CDKAL1: variants seen among roughly 807,000 people sequenced by gnomAD.
CDKAL1 encodes threonylcarbamoyladenosine tRNA methylthiotransferase.
CDKAL1 carries 32 observed loss-of-function variants against 68.2 expected under a neutral mutation model. That is an observed-to-expected ratio of 0.47 (90% CI 0.35 to 0.63). CDKAL1 has a LOEUF of 0.63. Ranked by LOEUF, CDKAL1 falls within the 30% of genes least tolerant of loss-of-function variation. CDKAL1 has a pLI of 0.00. For missense variants in CDKAL1, 606 were observed against 696.7 expected, an observed-to-expected ratio of 0.87 and a Z score of 1.47; for synonymous variants, 234 against 244.3, an observed-to-expected ratio of 0.96 and a Z score of 0.39.
intron 4 of CDKAL1, among the ~76,000 whole-genome samples, chr6:20,594,460 GT>G (rs1176811743): frequency 2.0e-5 from 3 of 151,934 alleles, no homozygotes; most frequent in African/African-American, 7.3e-5. Context: ...TTTGATCTTT[GT>G]TGGTTTAAAG....
chr6:20,813,842 C>T (rs1308427771), intron 8 of CDKAL1, among the ~76,000 whole-genome samples: 1 of 152,098 alleles, frequency 6.6e-6, no homozygotes. Context: ...ATAAGTGTTG[C>T]TTGAAATCAT....
At chr6:21,111,128 A>C (rs984635247) in intron 13 of CDKAL1, among the ~76,000 whole-genome samples, 1 of 152,218 alleles carries the variant, frequency 6.6e-6, no homozygotes. Context: ...AATGTTTCAT[A>C]ATAGAAAGAT....
intron 9 of CDKAL1, among the ~76,000 whole-genome samples, chr6:20,910,598 C>T (rs1049183830): frequency 1.4e-4 from 22 of 152,112 alleles, no homozygotes; most frequent in African/African-American, 5.3e-4. Flanking sequence ...ACCTCAGACC[C>T]CCTCTGTGTG....
chr6:20,930,012 T>C (rs1268407482), intron 9 of CDKAL1, among the ~76,000 whole-genome samples: 1 of 152,236 alleles, frequency 6.6e-6, no homozygotes, highest in Non-Finnish European at 1.5e-5. Flanking sequence ...TACAAGAACA[T>C]TTCTTTATCA....
chr6:21,167,511 C>T (rs1183183640), intron 13 of CDKAL1, among the ~76,000 whole-genome samples: 1 of 152,204 alleles, frequency 6.6e-6, no homozygotes, highest in Non-Finnish European at 1.5e-5. Flanking sequence ...TAGCCCATGT[C>T]ACCAGAATTA....
chr6:20,701,825 C>T (rs1461481147), intron 5 of CDKAL1, among the ~76,000 whole-genome samples: 1 of 152,010 alleles, frequency 6.6e-6, no homozygotes, highest in Non-Finnish European at 1.5e-5. Context: ...GTAGTTTAAT[C>T]ATCTAGTTTT....
intron 5 of CDKAL1, among the ~76,000 whole-genome samples, chr6:20,683,049 A>G (rs1353957936): frequency 6.6e-6 from 1 of 151,262 alleles, no homozygotes; most frequent in Non-Finnish European, 1.5e-5. Context: ...TGTAGCCTTG[A>G]ACTCCTGGGC....
At chr6:20,674,794 C>T (rs1254351692) in intron 5 of CDKAL1, among the ~76,000 whole-genome samples, 1 of 152,162 alleles carries the variant, frequency 6.6e-6, no homozygotes, top group African/African-American at 2.4e-5. Context: ...ATTTAGCTCT[C>T]ACACATGAGT....
At chr6:21,206,301 G>A (rs1466449393) in intron 15 of CDKAL1, among the ~76,000 whole-genome samples, 1 of 151,986 alleles carries the variant, frequency 6.6e-6, no homozygotes, top group Non-Finnish European at 1.5e-5. Context: ...TGAGAAAATG[G>A]GCAGTTTTAA....
chr6:20,775,082 G>A (rs926897144), intron 7 of CDKAL1, among the ~76,000 whole-genome samples: 1 of 152,092 alleles, frequency 6.6e-6, no homozygotes, highest in Non-Finnish European at 1.5e-5. Context: ...TTTTGAGTAT[G>A]TCTCATTCTA....
chr6:20,572,153 A>G (rs556866542), intron 4 of CDKAL1, among the ~76,000 whole-genome samples: 22 of 152,106 alleles, frequency 1.4e-4, no homozygotes, highest in Admixed American at 3.9e-4. Flanking sequence ...TTGAATGTAA[A>G]TCTCTGACTT....
chr6:20,723,123 G>A (rs1772466071), intron 5 of CDKAL1, among the ~76,000 whole-genome samples: 1 of 152,160 alleles, frequency 6.6e-6, no homozygotes, highest in South Asian at 2.1e-4. Flanking sequence ...GCTGCCCCAT[G>A]TGATGAGGCA....
At chr6:20,829,927 G>T (rs943833173) in intron 8 of CDKAL1, among the ~76,000 whole-genome samples, 3 of 152,184 alleles carry the variant, frequency 2.0e-5, no homozygotes, top group Non-Finnish European at 2.9e-5. Flanking sequence ...CACAATTTCA[G>T]CTCACTGTAA....
chr6:20,921,799 A>T lies in CDKAL1; in HGVS notation c.743-33620A>T, dbSNP rs147337424. The stretch of plus-strand genomic sequence containing the variant: ...AGTTCTTATTCTTCCTACTTGGCCA[A>T]AACAGCAAATGAGTAAGAGAATGCC... On this transcript the variant is annotated intron_variant, in intron 9 of 15. Transcript: ENST00000274695. Among the ~76,000 whole-genome samples the T allele has an allele frequency of 6.0e-4, 92 of 152,356 alleles. 2 individuals carry two copies. In the East Asian group the frequency reaches 8.9e-3, roughly 15 times the overall value.
chr6:21,003,210 G>A (rs1459120472), intron 11 of CDKAL1, among the ~76,000 whole-genome samples: 1 of 150,360 alleles, frequency 6.7e-6, no homozygotes, highest in African/African-American at 2.5e-5. Context: ...TTTAGAAGTA[G>A]ATGAAATATT....
chr6:21,197,394 T>C (rs887055325), intron 13 of CDKAL1, among the ~76,000 whole-genome samples: 1 of 152,116 alleles, frequency 6.6e-6, no homozygotes, highest in Non-Finnish European at 1.5e-5. Flanking sequence ...AAATAATAAA[T>C]GAACATGGGG....
In CDKAL1 at chr6:21,166,645, A is replaced by C. The variant is rs548945785; in HGVS notation, c.1300-31376A>C. Among the ~76,000 whole-genome samples the C allele has an allele frequency of 1.7e-4, 26 of 152,328 alleles. No individual in the cohort carries two copies. The South Asian group carries it at 5.4e-3, about 32-fold the overall frequency. On this transcript the variant is annotated intron_variant, in intron 13 of 15. Coordinates refer to ENST00000274695, the MANE Select transcript of CDKAL1 (RefSeq NM_017774.3). ...TTCACTATTAAAAAAACTTCAGTGG[A>C]CAAAGGTTTAGCTTTCAATAGACTA... is the stretch of plus-strand genomic sequence containing the variant.
At chr6:20,878,261 G>A (rs1760630543) in intron 9 of CDKAL1, among the ~76,000 whole-genome samples, 1 of 152,074 alleles carries the variant, frequency 6.6e-6, no homozygotes, top group Non-Finnish European at 1.5e-5. Context: ...GGAGACCCAG[G>A]CTTTAGATAG....
intron 10 of CDKAL1, among the ~76,000 whole-genome samples, chr6:20,960,832 T>C (rs1305538776): frequency 6.6e-6 from 1 of 152,256 alleles, no homozygotes; most frequent in East Asian, 1.9e-4. Flanking sequence ...AGGGATGCGT[T>C]ATGTTTATTT....
Sources: allele counts gnomAD v4.1 joint callset (sites outside exome capture counted in the v4.1 genomes callset), GRCh38; gene constraint gnomAD v4.1.1; transcripts MANE v1.5; gene names NCBI Gene and HGNC (gene_info 2026-07-23, HGNC 2026-07-21).